The following EDA variants were observed in gnomAD, a reference collection of about 807,000 sequenced individuals.
The protein encoded by EDA is ectodysplasin A, also known as ectodysplasin-A.
In EDA, 2 loss-of-function variants were observed where a neutral mutation model predicts 23.6. That is an observed-to-expected ratio of 0.08 (90% CI 0.03 to 0.27). EDA has a LOEUF of 0.27. Ranked by LOEUF, EDA falls within the 10% of genes least tolerant of loss-of-function variation. The pLI is 1.00. For missense variants in EDA, 229 were observed against 324.2 expected, an observed-to-expected ratio of 0.71 and a Z score of 2.26; for synonymous variants, 131 against 132.0, an observed-to-expected ratio of 0.99 and a Z score of 0.05.
chrX:69,616,274 C>G lies in EDA; in HGVS notation c.-35C>G, dbSNP rs1261662943. The G allele has an allele frequency of 8.6e-7, 1 of 1,161,890 alleles. No homozygotes were observed. Among genetic ancestry groups the G allele is most frequent in the Non-Finnish European group, 1.1e-6 (1 of 876,060 alleles). On this transcript the variant is annotated 5_prime_UTR_variant, in exon 1 of 8. Coordinates refer to ENST00000374552, the MANE Select transcript of EDA (RefSeq NM_001399.5). ...AACGGCTGAGGCAGACGCAGCGGCTCCCGGGCCTCAAGAGAGTGGGTGTCT... is the reference window on the plus strand; with the variant it reads ...AACGGCTGAGGCAGACGCAGCGGCTGCCGGGCCTCAAGAGAGTGGGTGTCT...
At chrX:69,820,669 A>G (rs2016198262) in intron 1 of EDA, among the ~76,000 whole-genome samples, 4 of 112,418 alleles carry the variant, frequency 3.6e-5, no homozygotes, top group African/African-American at 1.3e-4. Context: ...GAGAAATGCA[A>G]ATCAAAACCA....
intron 1 of EDA, among the ~76,000 whole-genome samples, chrX:69,643,485 C>T (rs1932865555): frequency 9.1e-6 from 1 of 110,488 alleles, no homozygotes; most frequent in Non-Finnish European, 1.9e-5. Flanking sequence ...TGTTTAATTT[C>T]CTTGTAGACT....
At chrX:69,817,385 TA>T (rs758162079) in intron 1 of EDA, among the ~76,000 whole-genome samples, 1 of 111,565 alleles carries the variant, frequency 9.0e-6, no homozygotes, top group South Asian at 3.8e-4. Context: ...ACCTTAAATG[TA>T]AATGGACTGA....
At chrX:69,896,500 A>G (rs2018018696) in intron 1 of EDA, among the ~76,000 whole-genome samples, 1 of 110,023 alleles carries the variant, frequency 9.1e-6, no homozygotes, top group African/African-American at 3.3e-5. Context: ...ACAACATACA[A>G]ATTTGGGGAG....
At chrX:69,872,312 C>T (rs2147609870) in intron 1 of EDA, among the ~76,000 whole-genome samples, 1 of 111,803 alleles carries the variant, frequency 8.9e-6, no homozygotes, top group African/African-American at 3.2e-5. Flanking sequence ...GCATAAATCT[C>T]ACAGGACCTA....
At chrX:69,861,317 A>T in intron 1 of EDA, 1 of 149,053 alleles carries the variant, frequency 6.7e-6, no homozygotes, top group Non-Finnish European at 1.3e-5. Context: ...GCAGGGGATG[A>T]TCCAAGTTCA....
chrX:69,737,281 T>G (rs1278406394), intron 1 of EDA, among the ~76,000 whole-genome samples: 2 of 112,267 alleles, frequency 1.8e-5, no homozygotes, highest in Non-Finnish European at 3.8e-5. Context: ...ATTTTGCTAC[T>G]TGTATTCTAT....
chrX:69,944,493 G>A (rs1198466070), intron 1 of EDA, among the ~76,000 whole-genome samples: 2 of 111,589 alleles, frequency 1.8e-5, no homozygotes, highest in Non-Finnish European at 3.8e-5. Context: ...TGGAATGGGA[G>A]CCTTAGGACT....
intron 1 of EDA, among the ~76,000 whole-genome samples, chrX:69,816,301 C>T (rs983687517): frequency 9.0e-6 from 1 of 111,538 alleles, no homozygotes; most frequent in Non-Finnish European, 1.9e-5. Context: ...CCAAATGACT[C>T]CAACACCTCT....
Position 69,844,543 on chromosome X carries a change from A to T in EDA, c.397-112484A>T, listed in dbSNP as rs940065116. 2.7e-5 allele frequency among the ~76,000 whole-genome samples: 3 copies of T among 112,484 alleles called. No individual in the cohort carries two copies. In the South Asian group the frequency reaches 1.1e-3, roughly 42 times the overall value. ...CCCTTAAACTTCAGCTTTGAGAAGC[A>T]TTGGAAAAAATGTGTCAGCCCACCA... On this transcript the variant is annotated intron_variant, in intron 1 of 7. Transcript: ENST00000374552.
intron 1 of EDA, among the ~76,000 whole-genome samples, chrX:69,637,649 C>T (rs1430950645): frequency 9.0e-6 from 1 of 111,131 alleles, no homozygotes; most frequent in Non-Finnish European, 1.9e-5. Flanking sequence ...CTGCCATTTA[C>T]TACAAGTCTC....
At chrX:69,772,025 G>T (rs2014653955) in intron 1 of EDA, among the ~76,000 whole-genome samples, 2 of 112,055 alleles carry the variant, frequency 1.8e-5, no homozygotes, top group Non-Finnish European at 3.8e-5. Context: ...TGCAATCATG[G>T]CTCACTGCTG....
intron 1 of EDA, among the ~76,000 whole-genome samples, chrX:69,634,818 C>T (rs1932734666): frequency 9.0e-6 from 1 of 111,710 alleles, no homozygotes; most frequent in South Asian, 3.7e-4. Context: ...GAGGGTGGTC[C>T]CGTAAGATTA....
At chrX:69,963,729 G>C (rs2019136997) in intron 2 of EDA, among the ~76,000 whole-genome samples, 1 of 111,741 alleles carries the variant, frequency 8.9e-6, no homozygotes, top group Admixed American at 9.5e-5. Context: ...AATACCAACT[G>C]CTTGTAAGAC....
rs775696765 is a variant in EDA, at chrX:69,888,512, T to TA, written c.397-68501dup. Among the ~76,000 whole-genome samples, 397 of 95,263 alleles carry TA rather than the reference T, an allele frequency of 4.2e-3. 2 individuals are homozygous for TA. The highest frequency in any genetic ancestry group is 6.4e-3 in the Non-Finnish European group (302 of 47,071). 82.7% of individuals were successfully genotyped at this position (95,263 alleles called of 115,157 possible). On this transcript the variant is annotated intron_variant, in intron 1 of 7. Transcript: ENST00000374552. ...AAAAGACAGAGTGACCGAATGGATT[T>TA]AAAAAAAAAAAAAAGACCTAGTGAC... is the stretch of plus-strand genomic sequence containing the variant.
intron 2 of EDA, among the ~76,000 whole-genome samples, chrX:69,975,736 A>G (rs1275449546): frequency 1.8e-5 from 2 of 112,445 alleles, no homozygotes; most frequent in Non-Finnish European, 3.8e-5. Flanking sequence ...AAGACTTAGT[A>G]CCAAAAAAGC....
intron 1 of EDA, among the ~76,000 whole-genome samples, chrX:69,806,230 C>G (rs1362292513): frequency 9.0e-6 from 1 of 111,567 alleles, no homozygotes; most frequent in African/African-American, 3.2e-5. Context: ...GAATTTTAGA[C>G]TTTGTTCTGT....
intron 2 of EDA, among the ~76,000 whole-genome samples, chrX:70,021,035 A>T (rs2020026913): frequency 8.9e-6 from 1 of 112,194 alleles, no homozygotes; most frequent in Non-Finnish European, 1.9e-5. Flanking sequence ...AGAAGCTTAA[A>T]AAGATTTTAA....
At chrX:69,977,338 A>C (rs907487583) in intron 2 of EDA, among the ~76,000 whole-genome samples, 4 of 111,396 alleles carry the variant, frequency 3.6e-5, no homozygotes, top group African/African-American at 1.3e-4. Context: ...CCACAATTCT[A>C]ATGTATTTGT....
Sources: gnomAD v4.1 joint callset for allele counts (sites outside exome capture counted in the v4.1 genomes callset) on GRCh38, gnomAD v4.1.1 for gene constraint, MANE v1.5 for transcripts, NCBI Gene and HGNC (gene_info 2026-07-23, HGNC 2026-07-21) for gene names.